Variants in FBRSL1 observed in about 807,000 individuals in gnomAD.
FBRSL1 encodes the protein fibrosin like 1.
A neutral mutation model predicts 89.6 loss-of-function variants in FBRSL1; 51 were observed. The ratio of observed to expected loss-of-function variants is 0.57; its 90% confidence interval spans 0.45 to 0.72. The LOEUF is 0.72. Among genes scored for constraint, FBRSL1 ranks in the 30% least tolerant of loss-of-function variants. The pLI is 0.00. For missense variants in FBRSL1, 1,618 were observed against 1,451.8 expected, an observed-to-expected ratio of 1.11 and a Z score of -1.86; for synonymous variants, 779 against 681.1, an observed-to-expected ratio of 1.14 and a Z score of -2.24.
chr12:132,581,010 C>T (rs1207020697), intron 15 of FBRSL1: 11 of 985,366 alleles, frequency 1.1e-5, no homozygotes, highest in Admixed American at 1.2e-4. Context: ...AAGACAGAAC[C>T]GTGTCCATCC....
intron 10 of FBRSL1, 40 bp from the exon 11 acceptor site, chr12:132,572,487 G>A (rs2040099202): frequency 3.3e-6 from 5 of 1,514,618 alleles, no homozygotes; most frequent in Non-Finnish European, 3.6e-6. Context: ...GTGGGGTGAG[G>A]ACTTGGGCCC....
At chr12:132,529,710 C>A (rs2036102870) in intron 4 of FBRSL1, among the ~76,000 whole-genome samples, 1 of 151,960 alleles carries the variant, frequency 6.6e-6, no homozygotes, top group Admixed American at 6.5e-5. Context: ...CCCCTGGGCT[C>A]TTCTCTGCCA....
At chr12:132,574,449 T>G (rs1325037365) in intron 13 of FBRSL1, 44 bp from the exon 14 acceptor site, 1 of 1,547,816 alleles carries the variant, frequency 6.5e-7, no homozygotes, top group Middle Eastern at 1.7e-4. Context: ...AAAACATGGG[T>G]GGGGGTGGCA....
chr12:132,579,047 C>T (rs1179436852), intron 15 of FBRSL1, among the ~76,000 whole-genome samples: 1 of 152,224 alleles, frequency 6.6e-6, no homozygotes, highest in Non-Finnish European at 1.5e-5. Context: ...CTGCTCCTCC[C>T]CCGCCTCCCC....
chr12:132,513,838 G>A (rs189012558), intron 2 of FBRSL1, among the ~76,000 whole-genome samples: 408 of 152,328 alleles, frequency 2.7e-3, no homozygotes, highest in Non-Finnish European at 4.3e-3. Flanking sequence ...CCCCAGGTCA[G>A]GCCAAGTCCA....
chr12:132,558,385 C>T (rs2038847841), intron 5 of FBRSL1, among the ~76,000 whole-genome samples: 1 of 152,212 alleles, frequency 6.6e-6, no homozygotes. Flanking sequence ...CGAGTGGTGG[C>T]TTATCCAAGT....
intron 15 of FBRSL1, among the ~76,000 whole-genome samples, chr12:132,578,746 G>A (rs1270604209): frequency 2.0e-5 from 3 of 151,366 alleles, no homozygotes; most frequent in South Asian, 2.1e-4. Context: ...TCCCCTCACC[G>A]TGTTTGGTCT....
At chr12:132,538,162 TAGG>T (rs1566165130) in intron 4 of FBRSL1, among the ~76,000 whole-genome samples, 1 of 152,046 alleles carries the variant, frequency 6.6e-6, no homozygotes, top group Non-Finnish European at 1.5e-5. Flanking sequence ...GTTTGATTCA[TAGG>T]AGGTCCTGAG....
chr12:132,547,232 G>A (rs1384175490), intron 4 of FBRSL1, among the ~76,000 whole-genome samples: 10 of 148,044 alleles, frequency 6.8e-5, no homozygotes, highest in Admixed American at 6.6e-4. Context: ...TCTTCGTAGG[G>A]CTCTGCTTAC....
intron 2 of FBRSL1, chr12:132,509,471 C>T: frequency 8.1e-7 from 1 of 1,240,552 alleles, no homozygotes; most frequent in Non-Finnish European, 1.0e-6. Context: ...ATCAGCTCTG[C>T]CAGCCCCAGC....
At chr12:132,575,313 C>T (rs1282749725) in intron 14 of FBRSL1, among the ~76,000 whole-genome samples, 6 of 152,182 alleles carry the variant, frequency 3.9e-5, no homozygotes, top group Non-Finnish European at 5.9e-5. Flanking sequence ...CTGCAAGCTC[C>T]GCCTCCCGGG....
chr12:132,509,469 T>C, intron 2 of FBRSL1: 1 of 1,238,746 alleles, frequency 8.1e-7, no homozygotes, highest in Non-Finnish European at 1.0e-6. Flanking sequence ...AGATCAGCTC[T>C]GCCAGCCCCA....
chr12:132,572,314 C>T lies in FBRSL1; in HGVS notation c.1404C>T (p.Asp468=), dbSNP rs1465874667. 6.4e-7 allele frequency: 1 copy of T among 1,551,190 alleles called. No homozygotes were observed. The highest frequency in any genetic ancestry group is 8.7e-7 in the Non-Finnish European group (1 of 1,146,750). The change falls in exon 10 of 19, where the codon GAC becomes GAT. Residue 468 remains aspartate, a synonymous_variant. Coordinates refer to ENST00000680143, the MANE Select transcript of FBRSL1 (RefSeq NM_001367871.1). ...CQFDKYAPKL[D]SPYFRHSSVS... is the part of the protein sequence containing the mutation. ...TTGACAAGTATGCGCCCAAGCTGGACAGCCCCTACTTCCGACATTCCAGCG... is the reference window on the plus strand; with the variant it reads ...TTGACAAGTATGCGCCCAAGCTGGATAGCCCCTACTTCCGACATTCCAGCG...
chr12:132,525,208 G>A (rs2035689336), intron 2 of FBRSL1, among the ~76,000 whole-genome samples: 1 of 152,252 alleles, frequency 6.6e-6, no homozygotes, highest in South Asian at 2.1e-4. Context: ...GCTTGCTCTG[G>A]CATGGAGCCG....
Position 132,582,214 on chromosome 12 carries a change from G to C in FBRSL1, c.2149G>C (p.Ala717Pro). The stretch of plus-strand genomic sequence containing the variant: ...GTCCGTGGACGCGGAGCGGGTGTCA[G>C]CCCTGACCAACCATGACCGAGAGCC... ...PKSVDAERVS[A>P]LTNHDREPDN... Residue 717 changes from alanine to proline, a missense_variant, in exon 18 of 19, where the codon GCC (alanine) becomes CCC (proline). Transcript: ENST00000680143. 6.5e-7 allele frequency: 1 copy of C among 1,550,226 alleles called. No homozygotes were observed. The highest frequency in any genetic ancestry group is 8.7e-7 in the Non-Finnish European group (1 of 1,146,884).
At chr12:132,555,717 CT>C (rs1325726139) in intron 5 of FBRSL1, among the ~76,000 whole-genome samples, 2 of 152,222 alleles carry the variant, frequency 1.3e-5, no homozygotes, top group East Asian at 1.9e-4. Flanking sequence ...ATCTCTGCCC[CT>C]GTCCGTCCTC....
intron 2 of FBRSL1, chr12:132,511,513 G>A: frequency 1.0e-6 from 1 of 986,062 alleles, no homozygotes; most frequent in Non-Finnish European, 1.2e-6. Context: ...CCAAAAGGGA[G>A]GGGGTGTTTG....
At chr12:132,581,162 T>G in intron 15 of FBRSL1, 1 of 984,986 alleles carries the variant, frequency 1.0e-6, no homozygotes, top group Non-Finnish European at 1.2e-6. Flanking sequence ...TGCAGCCCCT[T>G]TGCTCCGAGG....
At chr12:132,491,997 C>T (rs915929275) in intron 1 of FBRSL1, among the ~76,000 whole-genome samples, 8 of 152,196 alleles carry the variant, frequency 5.3e-5, no homozygotes, top group Non-Finnish European at 1.0e-4. Flanking sequence ...TTAGATGGCT[C>T]CAGGGCTGGC....
Sources: gnomAD v4.1 joint callset for allele counts (sites outside exome capture counted in the v4.1 genomes callset) on GRCh38, gnomAD v4.1.1 for gene constraint, MANE v1.5 for transcripts, NCBI Gene and HGNC (gene_info 2026-07-23, HGNC 2026-07-21) for gene names.